Variants in TENM2 observed in about 807,000 individuals in gnomAD.
The protein encoded by TENM2 is teneurin transmembrane protein 2, also known as teneurin-2.
Under a neutral mutation model 245.2 loss-of-function variants are expected in TENM2, and 52 were observed. The observed-to-expected ratio is 0.21, with a 90% confidence interval of 0.17 to 0.27. The LOEUF is 0.27. Ranked by LOEUF, TENM2 falls within the 10% of genes least tolerant of loss-of-function variation. The pLI is 1.00. For synonymous variants in TENM2, 1,363 were observed against 1,438.9 expected, an observed-to-expected ratio of 0.95 and a Z score of 1.19; for missense variants, 3,046 against 3,666.8, an observed-to-expected ratio of 0.83 and a Z score of 4.37.
At chr5:167,054,307 G>C in the TENM2 span, among the ~76,000 whole-genome samples, 2 of 152,108 alleles carry the variant, frequency 1.3e-5, no homozygotes, top group Non-Finnish European at 2.9e-5. Context: ...TTAAAGATGG[G>C]TTTCTTTCAC....
chr5:167,307,644 C>T (rs775165609), intron 1 of TENM2, among the ~76,000 whole-genome samples: 3 of 152,176 alleles, frequency 2.0e-5, no homozygotes, highest in African/African-American at 4.8e-5. Context: ...TAACTCCCAC[C>T]GCCCAGTTCA....
rs1773157556 is a variant in TENM2 at position 167,554,812 on chromosome 5, A to G, written c.502+179339A>G. On this transcript the variant is annotated intron_variant, in intron 2 of 28. Coordinates refer to ENST00000518659, the Ensembl canonical transcript of TENM2. Reference sequence around the variant, plus strand: ...TTGGGCCAAGAGGGTGGCAAAGATAAGAAACTCAAGAGCAGCTGTTTACTT... The same window carrying G: ...TTGGGCCAAGAGGGTGGCAAAGATAGGAAACTCAAGAGCAGCTGTTTACTT... Among the ~76,000 whole-genome samples, 5 of 152,182 alleles carry G rather than the reference A, an allele frequency of 3.3e-5. No individual in the cohort carries two copies. In the South Asian group the frequency reaches 1.0e-3, roughly 32 times the overall value.
chr5:168,196,573 T>C (rs1761446152), intron 15 of TENM2, among the ~76,000 whole-genome samples: 1 of 152,184 alleles, frequency 6.6e-6, no homozygotes, highest in Non-Finnish European at 1.5e-5. Context: ...GTGATTCTCC[T>C]GCCTCAGCCT....
At chr5:167,436,817 C>A (rs1338103189) in intron 2 of TENM2, among the ~76,000 whole-genome samples, 1 of 152,170 alleles carries the variant, frequency 6.6e-6, no homozygotes, top group African/African-American at 2.4e-5. Context: ...AGCCTTAAGC[C>A]TTGGCATCTT....
chr5:167,903,108 A>G (rs1409928532), intron 3 of TENM2, among the ~76,000 whole-genome samples: 2 of 152,258 alleles, frequency 1.3e-5, no homozygotes, highest in Non-Finnish European at 2.9e-5. Flanking sequence ...TAATTTGTCA[A>G]TATTCAATAA....
At chr5:167,968,787 A>C (rs1781562610) in intron 4 of TENM2, among the ~76,000 whole-genome samples, 1 of 152,122 alleles carries the variant, frequency 6.6e-6, no homozygotes. Flanking sequence ...TATTAGGCCC[A>C]CTGAAGCATT....
At chr5:167,844,292 G>A (rs898928766) in intron 2 of TENM2, among the ~76,000 whole-genome samples, 3 of 152,218 alleles carry the variant, frequency 2.0e-5, no homozygotes, top group Admixed American at 6.5e-5. Flanking sequence ...TGGTACAAGA[G>A]GCAAAAGGAA....
At chr5:167,850,773 A>G (rs1004878239) in intron 2 of TENM2, among the ~76,000 whole-genome samples, 6 of 152,218 alleles carry the variant, frequency 3.9e-5, no homozygotes, top group African/African-American at 1.4e-4. Flanking sequence ...CAAGAAGGAA[A>G]GAAACCTGGA....
intron 4 of TENM2, among the ~76,000 whole-genome samples, chr5:167,990,022 C>A (rs1014057039): frequency 6.6e-6 from 1 of 152,160 alleles, no homozygotes; most frequent in South Asian, 2.1e-4. Flanking sequence ...ACTGAGGATG[C>A]GAGAACTGGA....
At chr5:168,234,955 T>C (rs1765290903) in intron 25 of TENM2, among the ~76,000 whole-genome samples, 1 of 152,218 alleles carries the variant, frequency 6.6e-6, no homozygotes, top group Non-Finnish European at 1.5e-5. Context: ...ATATAATTAA[T>C]ATGACATTGC....
chr5:167,382,111 A>G (rs887771167), intron 2 of TENM2, among the ~76,000 whole-genome samples: 1 of 152,210 alleles, frequency 6.6e-6, no homozygotes, highest in Admixed American at 6.5e-5. Flanking sequence ...ATTTTAATGT[A>G]AAAGTATTTA....
At chr5:168,101,956 T>G (rs1581306785) in intron 9 of TENM2, among the ~76,000 whole-genome samples, 1 of 152,348 alleles carries the variant, frequency 6.6e-6, no homozygotes. Context: ...ATGTACCACC[T>G]TTATTATTTC....
chr5:167,555,334 T>G (rs1773200306), intron 2 of TENM2, among the ~76,000 whole-genome samples: 1 of 152,246 alleles, frequency 6.6e-6, no homozygotes, highest in African/African-American at 2.4e-5. Flanking sequence ...CCTTTGTGTT[T>G]AACATTTGAA....
chr5:168,227,870 C>A, intron 24 of TENM2, 25 bp from the exon 27 acceptor site: 1 of 1,478,612 alleles, frequency 6.8e-7, no homozygotes, highest in Non-Finnish European at 9.3e-7. Context: ...TTTCCCTATC[C>A]CCACCCCCAC....
At chr5:168,195,383 T>A in intron 15 of TENM2, 88 bp downstream of exon 17, 1 of 1,466,274 alleles carries the variant, frequency 6.8e-7, no homozygotes, top group East Asian at 2.5e-5. Flanking sequence ...AACCACAGGA[T>A]TCCCCCTGGT....
At chr5:167,049,288 G>A in the TENM2 span, among the ~76,000 whole-genome samples, 1 of 152,168 alleles carries the variant, frequency 6.6e-6, no homozygotes, top group Non-Finnish European at 1.5e-5. Context: ...AATGACACAC[G>A]AGTCACGTGT....
intron 5 of TENM2, 71 bp from the exon 8 acceptor site, chr5:168,047,356 T>C: frequency 6.5e-7 from 1 of 1,533,620 alleles, no homozygotes; most frequent in East Asian, 2.5e-5. Flanking sequence ...AAAGGGCACC[T>C]GGCCCTCCCC....
chr5:167,046,896 C>T, the TENM2 span, among the ~76,000 whole-genome samples: 1 of 151,942 alleles, frequency 6.6e-6, no homozygotes, highest in East Asian at 1.9e-4. Flanking sequence ...TGATGTTCCC[C>T]TCCCTGTGTC....
chr5:167,995,131 G>A (rs1783958224), intron 5 of TENM2, among the ~76,000 whole-genome samples: 1 of 152,124 alleles, frequency 6.6e-6, no homozygotes, highest in Non-Finnish European at 1.5e-5. Flanking sequence ...GCCTGCCTCT[G>A]CCAATACCGT....
Sources: gnomAD v4.1 joint callset for allele counts (sites outside exome capture counted in the v4.1 genomes callset) on GRCh38, gnomAD v4.1.1 for gene constraint, MANE v1.5 for transcripts, NCBI Gene and HGNC (gene_info 2026-07-23, HGNC 2026-07-21) for gene names.